SGTA: variants seen among roughly 807,000 people sequenced by gnomAD.
SGTA encodes small glutamine-rich tetratricopeptide repeat-containing protein alpha.
A neutral mutation model predicts 44.3 loss-of-function variants in SGTA; 22 were observed. The observed-to-expected ratio is 0.50, with a 90% CI of 0.36 to 0.71. The LOEUF is 0.71. Ranked by LOEUF, SGTA falls within the 30% of genes least tolerant of loss-of-function variation. The probability of loss-of-function intolerance (pLI) is 0.00; values close to 1 mark genes in which losing one functional copy is unlikely to be tolerated. For missense variants in SGTA, 341 were observed against 435.9 expected (o/e 0.78, Z 1.94); for synonymous variants, 174 against 177.6 (o/e 0.98, Z 0.16).
At chr19:2,759,410 A>G (rs1203792128) in intron 8 of SGTA, 116 bp from the exon 9 acceptor site, 1 of 933,398 alleles carries the variant, frequency 1.1e-6, no homozygotes, top group Non-Finnish European at 1.7e-6. Context: ...GCCAACCAAC[A>G]GTAAGAGCCG....
Position 2,772,010 on chromosome 19 carries a change from G to A in SGTA, c.-23-2919C>T, listed in dbSNP as rs1000909712. On this transcript the variant is annotated intron_variant, in intron 1 of 11. Coordinates refer to ENST00000221566, the MANE Select transcript of SGTA (RefSeq NM_003021.4). ...TCTTCCCCATCTCTGTCCCTCACTGGCTGACATACAGGGTGGCGGGGCTGT... is the reference window on the plus strand; with the variant it reads ...TCTTCCCCATCTCTGTCCCTCACTGACTGACATACAGGGTGGCGGGGCTGT... Among the ~76,000 whole-genome samples, 5 of 152,260 alleles carry A rather than the reference G, an allele frequency of 3.3e-5. No individual in the cohort carries two copies. In the South Asian group the frequency reaches 1.0e-3, roughly 31 times the overall value.
At chr19:2,759,173 G>C (rs1914913606) in intron 9 of SGTA, 84 bp downstream of exon 9, 2 of 1,257,382 alleles carry the variant, frequency 1.6e-6, no homozygotes, top group Non-Finnish European at 2.3e-6. Context: ...CTTTAAAGTG[G>C]TTAGTTTTAT....
At chr19:2,764,211 G>C (rs1462030037) in intron 5 of SGTA, among the ~76,000 whole-genome samples, 2 of 152,126 alleles carry the variant, frequency 1.3e-5, no homozygotes, top group Non-Finnish European at 2.9e-5. Flanking sequence ...AGAGAAGAGT[G>C]AGTGGAGACT....
intron 1 of SGTA, among the ~76,000 whole-genome samples, chr19:2,778,464 T>A (rs1318181690): frequency 6.6e-6 from 1 of 151,916 alleles, no homozygotes; most frequent in Admixed American, 6.6e-5. Flanking sequence ...ACCCCAGGGC[T>A]TTTGCACGTG....
intron 1 of SGTA, among the ~76,000 whole-genome samples, chr19:2,781,052 C>T (rs1325265253): frequency 6.6e-6 from 1 of 152,180 alleles, no homozygotes; most frequent in African/African-American, 2.4e-5. Flanking sequence ...CACTGCACTC[C>T]AGCCTGGGCG....
chr19:2,756,361 C>T (rs184430148), intron 11 of SGTA, among the ~76,000 whole-genome samples: 2 of 149,880 alleles, frequency 1.3e-5, no homozygotes, highest in African/African-American at 2.5e-5. Context: ...GAGGCCGAGG[C>T]GGGAGGATCG....
At chr19:2,772,948 G>A (rs1313216196) in intron 1 of SGTA, among the ~76,000 whole-genome samples, 1 of 66,174 alleles carries the variant, frequency 1.5e-5, no homozygotes, top group Non-Finnish European at 2.4e-5. Flanking sequence ...GCGGCCACAC[G>A]GCAGGGACAC....
rs1258403927 is a variant in SGTA, at chr19:2,767,165, G to A, written c.263C>T (p.Ser88Leu). 2 of 1,612,846 alleles carry A rather than the reference G, an allele frequency of 1.2e-6. No homozygotes were observed. The highest frequency in any genetic ancestry group is 2.2e-5 in the East Asian group (1 of 44,840). ...GGTTTTGAGGCGCTCTGCCTCTGCT[G>A]AGTCCTCCTCGGAAGGCGGGGTTCG... ...PARTPPSEED[S>L]AEAERLKTEG... The change falls in exon 4 of 12, where the codon TCA (serine) becomes TTA (leucine). Residue 88 changes from serine (S) to leucine (L), a missense_variant. Physicochemically the swap from Ser to Leu is moderately radical, Grantham distance 145. Transcript: ENST00000221566. The surrounding 1 kb of genome is among the most constrained non-coding windows in gnomAD (Gnocchi z 7.3).
At chr19:2,766,202 C>T (rs1218187097) in intron 4 of SGTA, among the ~76,000 whole-genome samples, 1 of 151,706 alleles carries the variant, frequency 6.6e-6, no homozygotes, top group East Asian at 2.0e-4. Flanking sequence ...GGCGACAGAG[C>T]GAGACTCCAT....
chr19:2,777,634 C>T (rs906615553), intron 1 of SGTA: 1 of 152,076 alleles, frequency 6.6e-6, no homozygotes, highest in Non-Finnish European at 1.5e-5. Flanking sequence ...AGAATGGTGC[C>T]GACATCTCTT....
In SGTA at chr19:2,754,761, C is replaced by G. The variant is rs1034606452; in HGVS notation, c.*1179G>C. ...TCCCCACACGTCACGCCCTGCACCC[C>G]GGGTGGGCTTGGCACACACCTCACC... On this transcript the variant is annotated 3_prime_UTR_variant, in exon 12 of 12. Coordinates refer to ENST00000221566, the MANE Select transcript of SGTA (RefSeq NM_003021.4). This position sits in a 1 kb window ranked among gnomAD's most constrained non-coding sequence, Gnocchi z 4.4. The G allele has an allele frequency of 6.6e-6, 1 of 152,298 alleles. No individual in the cohort carries two copies. The highest frequency in any genetic ancestry group is 1.9e-4 in the East Asian group (1 of 5,182). 9.4% of individuals were successfully genotyped at this position (152,298 alleles called of 1,614,324 possible). A position where few individuals can be genotyped will look rare whatever the true frequency, so the allele number is the denominator to read the frequency against.
rs998792055 is a variant in SGTA at position 2,765,585 on chromosome 19, G to A, written c.293-300C>T. On this transcript the variant is annotated intron_variant, in intron 4 of 11. Coordinates refer to ENST00000221566, the MANE Select transcript of SGTA (RefSeq NM_003021.4). The surrounding 1 kb of genome is among the most constrained non-coding windows in gnomAD (Gnocchi z 5.5). The stretch of plus-strand genomic sequence containing the variant: ...TGTCACTGCCTGGATGGCGACCCCG[G>A]GAGCAGAACAGTTAATACAGCTCAC... Among the ~76,000 whole-genome samples, 2 of 152,062 alleles carry A rather than the reference G, an allele frequency of 1.3e-5. No individual in the cohort carries two copies. Among genetic ancestry groups the A allele is most frequent in the African/African-American group, 4.8e-5 (2 of 41,398 alleles).
intron 7 of SGTA, among the ~76,000 whole-genome samples, chr19:2,762,279 C>G (rs1309133027): frequency 6.6e-6 from 1 of 152,196 alleles, no homozygotes; most frequent in Non-Finnish European, 1.5e-5. Flanking sequence ...CTCCCTCAGC[C>G]TCCGCGGGCA....
At position 2,763,225 on chromosome 19, in the gene SGTA, G is replaced by C. The variant is rs4807325; in HGVS notation, c.497+428C>G. On this transcript the variant is annotated intron_variant, in intron 6 of 11. Coordinates refer to ENST00000221566, the MANE Select transcript of SGTA (RefSeq NM_003021.4). The surrounding 1 kb of genome is among the most constrained non-coding windows in gnomAD (Gnocchi z 5.8). ...CATTCAGAGAAGCAGGCGAATGCAC[G>C]CTTATGCTGGGAGGGCGGCACCGGC... Among the ~76,000 whole-genome samples, 53,521 of 152,076 alleles carry C rather than the reference G, an allele frequency of 0.35. 11,240 individuals carry two copies. The highest frequency in any genetic ancestry group is 0.65 in the East Asian group (3,329 of 5,144).
chr19:2,760,834 C>T (rs889275291), intron 8 of SGTA, among the ~76,000 whole-genome samples: 4 of 152,186 alleles, frequency 2.6e-5, no homozygotes, highest in South Asian at 2.1e-4. Context: ...CTTTTCTCCC[C>T]GACAGCCTTA....
chr19:2,778,771 C>A (rs1236229884), intron 1 of SGTA, among the ~76,000 whole-genome samples: 9 of 151,986 alleles, frequency 5.9e-5, no homozygotes, highest in African/African-American at 2.2e-4. Flanking sequence ...CAAAGTGAGG[C>A]CCTGTCTCTA....
At chr19:2,781,842 G>C (rs1915582120) in intron 1 of SGTA, among the ~76,000 whole-genome samples, 1 of 148,046 alleles carries the variant, frequency 6.8e-6, no homozygotes, top group South Asian at 2.1e-4. Flanking sequence ...ATCTAGGGTA[G>C]ATTTTTTTTT....
intron 1 of SGTA, among the ~76,000 whole-genome samples, chr19:2,779,780 C>T (rs555721943): frequency 5.1e-4 from 77 of 152,308 alleles, no homozygotes; most frequent in African/African-American, 1.8e-3. Context: ...AAAATCAAAA[C>T]ACAGCCACCT....
At chr19:2,762,148 G>A (rs1316156490) in intron 7 of SGTA, among the ~76,000 whole-genome samples, 1 of 152,090 alleles carries the variant, frequency 6.6e-6, no homozygotes, top group Non-Finnish European at 1.5e-5. Flanking sequence ...CCAGGCCAGG[G>A]ACCAGGCAAC....
Sources: allele counts gnomAD v4.1 joint callset (sites outside exome capture counted in the v4.1 genomes callset), GRCh38; gene constraint gnomAD v4.1.1; non-coding constraint Gnocchi (gnomAD v3.1); transcripts MANE v1.5; gene names NCBI Gene and HGNC (gene_info 2026-07-23, HGNC 2026-07-21).